Variants in DOCK1 observed in about 807,000 individuals in gnomAD.
DOCK1 encodes dedicator of cytokinesis protein 1.
Under a neutral mutation model 262.7 loss-of-function variants are expected in DOCK1, and 138 were observed. That is an observed-to-expected ratio of 0.53 (90% CI 0.46 to 0.61). The LOEUF (loss-of-function observed/expected upper bound fraction) is 0.61. Ranked by LOEUF, DOCK1 falls within the 20% of genes least tolerant of loss-of-function variation. The probability of loss-of-function intolerance (pLI) is 0.00; values close to 1 mark genes in which losing one functional copy is unlikely to be tolerated. For synonymous variants in DOCK1, 866 were observed against 867.4 expected (o/e 1.00, Z 0.03); for missense variants, 1,908 against 2,370.7 (o/e 0.80, Z 4.05).
rs867367974 is a variant in DOCK1, at chr10:127,447,607, C to T, written c.5565+62C>T. Reference sequence around the variant, plus strand: ...TCGCCTCCACAAAGTAGGACGAGTCCCTCATTCCAGATACTAGCAGGTTTA... The same window carrying T: ...TCGCCTCCACAAAGTAGGACGAGTCTCTCATTCCAGATACTAGCAGGTTTA... On this transcript the variant is annotated intron_variant, in intron 51 of 51. Coordinates refer to ENST00000623213, the MANE Select transcript of DOCK1 (RefSeq NM_001290223.2). 2.4e-5 allele frequency: 38 copies of T among 1,581,010 alleles called. 1 individual carries two copies. In the Middle Eastern group the frequency reaches 3.4e-3, roughly 139 times the overall value.
chr10:127,023,627 T>G (rs1417727612), intron 14 of DOCK1, among the ~76,000 whole-genome samples: 1 of 150,134 alleles, frequency 6.7e-6, no homozygotes, highest in African/African-American at 2.5e-5. Context: ...GCCTGGCTAA[T>G]TTTTATATTT....
chr10:127,189,875 TA>T (rs1352297124), intron 27 of DOCK1, among the ~76,000 whole-genome samples: 1 of 149,182 alleles, frequency 6.7e-6, no homozygotes, highest in Admixed American at 6.7e-5. Context: ...TTTAAAATGA[TA>T]AATTGGTGGG....
intron 10 of DOCK1, among the ~76,000 whole-genome samples, chr10:127,003,962 C>T (rs896600386): frequency 2.0e-5 from 3 of 151,244 alleles, no homozygotes; most frequent in African/African-American, 4.9e-5. Flanking sequence ...TCCCCTCCCC[C>T]CCAAAAAAAA....
chr10:127,383,518 A>T (rs575782194), intron 37 of DOCK1, among the ~76,000 whole-genome samples: 37 of 152,366 alleles, frequency 2.4e-4, no homozygotes, highest in African/African-American at 8.9e-4. Context: ...AAAATCTTGC[A>T]GACCGCTTAA....
Position 127,444,215 on chromosome 10 carries a change from G to A in DOCK1, c.5349G>A (p.Pro1783=), listed in dbSNP as rs776854658. The part of the protein sequence containing the change: ...ERRFSVSPSS[P]SSQQTPPPVT... Reference sequence around the variant, plus strand: ...GCTTCTCGGTGTCCCCCTCGTCACCGTCCTCCCAGCAAACACCCCCTCCAG... The same window carrying A: ...GCTTCTCGGTGTCCCCCTCGTCACCATCCTCCCAGCAAACACCCCCTCCAG... Residue 1783 remains proline, a synonymous_variant, in exon 50 of 52, where the codon CCG becomes CCA. Transcript: ENST00000623213. 8.7e-6 allele frequency: 14 copies of A among 1,611,000 alleles called. No homozygotes were observed. The highest frequency in any genetic ancestry group is 3.3e-5 in the Admixed American group (2 of 59,726).
intron 27 of DOCK1, among the ~76,000 whole-genome samples, chr10:127,187,455 A>G (rs148341300): frequency 1.3e-5 from 2 of 152,336 alleles, no homozygotes; most frequent in East Asian, 3.9e-4. Flanking sequence ...TGACCCCTGT[A>G]TGCTTTCGCC....
chr10:127,253,249 A>T (rs1040718564), intron 28 of DOCK1, among the ~76,000 whole-genome samples: 1 of 152,200 alleles, frequency 6.6e-6, no homozygotes, highest in African/African-American at 2.4e-5. Flanking sequence ...GAAGGGAACA[A>T]TGACGGCTTT....
intron 1 of DOCK1, among the ~76,000 whole-genome samples, chr10:126,938,027 A>G (rs1053310384): frequency 2.0e-5 from 3 of 150,864 alleles, no homozygotes; most frequent in South Asian, 4.2e-4. Context: ...TTTTGTGAAT[A>G]GTAGAAGAGT....
intron 29 of DOCK1, among the ~76,000 whole-genome samples, chr10:127,262,588 A>T (rs2060212896): frequency 7.6e-6 from 1 of 131,804 alleles, no homozygotes. Flanking sequence ...GAAGAAGGTT[A>T]TTGCCTTCAT....
At chr10:127,152,003 G>A (rs1256457565) in intron 27 of DOCK1, among the ~76,000 whole-genome samples, 1 of 62,918 alleles carries the variant, frequency 1.6e-5, no homozygotes, top group African/African-American at 5.6e-5. Flanking sequence ...AGGTTAAACA[G>A]TGTTCACATA....
At chr10:127,208,801 C>T (rs2057839491) in intron 27 of DOCK1, among the ~76,000 whole-genome samples, 2 of 152,140 alleles carry the variant, frequency 1.3e-5, no homozygotes, top group African/African-American at 4.8e-5. Flanking sequence ...TTGAGATGTT[C>T]TCTAAGATAA....
chr10:127,146,127 T>G lies in DOCK1; in HGVS notation c.2847+18363T>G, dbSNP rs111431073. The stretch of plus-strand genomic sequence containing the variant: ...CATCTAAACATGAATTATCTTTATC[T>G]TCCCATGAAACTGACAGCGTAGTCC... On this transcript the variant is annotated intron_variant, in intron 27 of 51. Transcript: ENST00000623213. 3.9e-5 allele frequency: 19 copies of G among 488,032 alleles called. 2 individuals are homozygous for G. The highest frequency in any genetic ancestry group is 1.2e-4 in the African/African-American group (6 of 50,394). The allele number at this position is 488,032 out of a possible 1,614,324, so 30.2% of individuals were successfully genotyped here.
intron 23 of DOCK1, among the ~76,000 whole-genome samples, chr10:127,080,344 A>G (rs184768312): frequency 9.3e-4 from 142 of 152,288 alleles, no homozygotes; most frequent in African/African-American, 3.3e-3. Flanking sequence ...TTTCCTTTGA[A>G]AATGAGTAGC....
chr10:126,949,185 G>T (rs1009044177), intron 1 of DOCK1, among the ~76,000 whole-genome samples: 4 of 152,076 alleles, frequency 2.6e-5, no homozygotes, highest in East Asian at 1.9e-4. Context: ...ATTCCCGAAG[G>T]TGTTTATTGA....
At chr10:127,103,368 C>T (rs1479803626) in intron 23 of DOCK1, among the ~76,000 whole-genome samples, 2 of 152,032 alleles carry the variant, frequency 1.3e-5, no homozygotes, top group Non-Finnish European at 2.9e-5. Context: ...AAGGAGGAAA[C>T]CTCATATTGT....
intron 29 of DOCK1, among the ~76,000 whole-genome samples, chr10:127,314,400 G>A (rs925318330): frequency 1.3e-5 from 2 of 152,228 alleles, no homozygotes; most frequent in African/African-American, 4.8e-5. Flanking sequence ...AGCTGTGGCT[G>A]CGCAGTGCCT....
At chr10:127,198,744 CTTTT>C (rs3083933) in intron 27 of DOCK1, among the ~76,000 whole-genome samples, 1 of 146,390 alleles carries the variant, frequency 6.8e-6, no homozygotes, top group Non-Finnish European at 1.5e-5. Context: ...GGCATCGCTT[CTTTT>C]TTTTTTTTTT....
chr10:127,149,621 G>C (rs528425504), intron 27 of DOCK1, among the ~76,000 whole-genome samples: 1 of 152,250 alleles, frequency 6.6e-6, no homozygotes, highest in South Asian at 2.1e-4. Context: ...ATTGGGTTTC[G>C]AGTGAAAAGT....
At chr10:127,345,874 T>C (rs2063611107) in intron 31 of DOCK1, among the ~76,000 whole-genome samples, 1 of 152,198 alleles carries the variant, frequency 6.6e-6, no homozygotes. Context: ...ATTGTTGCTG[T>C]TCTTGTTGAT....
Sources: gnomAD v4.1 joint callset for allele counts (sites outside exome capture counted in the v4.1 genomes callset) on GRCh38, gnomAD v4.1.1 for gene constraint, MANE v1.5 for transcripts, NCBI Gene and HGNC (gene_info 2026-07-23, HGNC 2026-07-21) for gene names.